Variants in IL12RB1 observed in about 807,000 individuals in gnomAD.
The protein encoded by IL12RB1 is interleukin 12 receptor subunit beta 1.
Under a neutral mutation model 94.4 loss-of-function variants are expected in IL12RB1, and 64 were observed. The ratio of observed to expected loss-of-function variants is 0.68; its 90% CI spans 0.55 to 0.83. IL12RB1 has a LOEUF of 0.83. IL12RB1 is among the 40% of genes least tolerant of loss of function. IL12RB1 has a pLI of 0.00. For missense variants in IL12RB1, 814 were observed against 855.6 expected, an observed-to-expected ratio of 0.95 and a Z score of 0.61; for synonymous variants, 362 against 355.5, an observed-to-expected ratio of 1.02 and a Z score of -0.21.
chr19:18,064,142 T>TC (rs1314042338), intron 12 of IL12RB1, 132 bp from the exon 13 acceptor site: 9 of 531,188 alleles, frequency 1.7e-5, no homozygotes, highest in African/African-American at 1.2e-4. Context: ...TTCTTTCTTT[T>TC]TTTTTTTTTT....
intron 16 of IL12RB1, 71 bp downstream of exon 16, chr19:18,059,823 T>C (rs1352144158): frequency 2.3e-6 from 2 of 882,070 alleles, no homozygotes; most frequent in Non-Finnish European, 3.7e-6. Context: ...CCAGGAGCGA[T>C]GGATGTCTAG....
intron 9 of IL12RB1, chr19:18,070,513 G>C (rs1055694382): frequency 1.0e-6 from 1 of 984,866 alleles, no homozygotes; most frequent in Admixed American, 6.1e-5. Context: ...ACTCCCTCCC[G>C]CCAGGGCGTC....
intron 3 of IL12RB1, 66 bp downstream of exon 3, chr19:18,082,084 C>T: frequency 1.0e-6 from 1 of 967,044 alleles, no homozygotes; most frequent in Non-Finnish European, 1.7e-6. Context: ...AGTAGGGGCA[C>T]CAGAGGGGGT....
chr19:18,093,416 T>G (rs1426535313), intron 1 of IL12RB1, among the ~76,000 whole-genome samples: 1 of 151,780 alleles, frequency 6.6e-6, no homozygotes, highest in Non-Finnish European at 1.5e-5. Flanking sequence ...ATTCATTCAG[T>G]CAGTCCAGTC....
chr19:18,096,301 C>T (rs1200182980), intron 1 of IL12RB1, among the ~76,000 whole-genome samples: 4 of 152,010 alleles, frequency 2.6e-5, no homozygotes, highest in African/African-American at 4.8e-5. Flanking sequence ...TTTTCTCAGC[C>T]TCAGTTTCCC....
At chr19:18,082,382 C>T (rs539868301) in intron 2 of IL12RB1, 118 bp from the exon 3 acceptor site, 38 of 704,704 alleles carry the variant, frequency 5.4e-5, no homozygotes, top group South Asian at 1.8e-4. Context: ...ACCCTCCCCG[C>T]GTCCTTCCTA....
intron 5 of IL12RB1, among the ~76,000 whole-genome samples, chr19:18,076,733 T>A (rs1375958547): frequency 6.6e-6 from 1 of 151,942 alleles, no homozygotes; most frequent in East Asian, 1.9e-4. Flanking sequence ...AGACCATACT[T>A]CCAGGGATTA....
At chr19:18,073,812 T>TTTTG (rs887160603) in intron 7 of IL12RB1, among the ~76,000 whole-genome samples, 3 of 152,140 alleles carry the variant, frequency 2.0e-5, no homozygotes, top group African/African-American at 4.8e-5. Context: ...GCCTAAGGTT[T>TTTTG]TTTGTTTGTT....
intron 13 of IL12RB1, among the ~76,000 whole-genome samples, chr19:18,063,272 A>G (rs571371352): frequency 2.4e-4 from 36 of 150,774 alleles, no homozygotes; most frequent in Non-Finnish European, 3.5e-4. Flanking sequence ...TTTTAAAAAT[A>G]TTTTTTGTAG....
At chr19:18,076,384 C>A in intron 5 of IL12RB1, 57 bp from the exon 6 acceptor site, 1 of 867,734 alleles carries the variant, frequency 1.2e-6, no homozygotes. Context: ...AAAATATTTG[C>A]TGTTTTACAA....
At position 18,059,536 on chromosome 19, in the gene IL12RB1, G is replaced by C; in HGVS notation, c.*72C>G. The stretch of plus-strand genomic sequence containing the variant: ...AGCCTGGAGGAGCTCTGGGTTATTT[G>C]GGTCCAAATGTGACTCCTGTGTGTG... On this transcript the variant is annotated 3_prime_UTR_variant, in exon 17 of 17. Coordinates refer to ENST00000593993, the MANE Select transcript of IL12RB1 (RefSeq NM_005535.3). The C allele has an allele frequency of 1.3e-6, 1 of 768,102 alleles. No individual in the cohort carries two copies. The highest frequency in any genetic ancestry group is 2.4e-6 in the Non-Finnish European group (1 of 411,672). The allele number at this position is 768,102 out of a possible 1,614,324, so 47.6% of individuals were successfully genotyped here. A position where few individuals can be genotyped will look rare whatever the true frequency, so the allele number is the denominator to read the frequency against.
In IL12RB1 at chr19:18,084,701, A is replaced by C. The variant is rs559336627; in HGVS notation, c.65-1210T>G. Among the ~76,000 whole-genome samples, 116 of 151,752 alleles carry C rather than the reference A, an allele frequency of 7.6e-4. 1 individual carries two copies. The highest frequency in any genetic ancestry group is 1.2e-3 in the Non-Finnish European group (81 of 67,854). ...TCCATCCATCCATCCATCCATCCATACATACATACATGTATTTATTAATTC... is the reference window on the plus strand; with the variant it reads ...TCCATCCATCCATCCATCCATCCATCCATACATACATGTATTTATTAATTC... On this transcript the variant is annotated intron_variant, in intron 1 of 16. Transcript: ENST00000593993.
At position 18,061,869 on chromosome 19, in the gene IL12RB1, G is replaced by GA. The variant is rs767444429; in HGVS notation, c.1715+311dup. ...CAGAGTAAGACTCCATCTCAAAAAAGAAAAAAAAAAGAAAGAAATTTTGCA... is the reference window on the plus strand; with the variant it reads ...CAGAGTAAGACTCCATCTCAAAAAAGAAAAAAAAAAAGAAAGAAATTTTGCA... On this transcript the variant is annotated intron_variant, in intron 14 of 16. Coordinates refer to ENST00000593993, the MANE Select transcript of IL12RB1 (RefSeq NM_005535.3). Among the ~76,000 whole-genome samples the GA allele has an allele frequency of 3.2e-4, 46 of 142,788 alleles. 1 individual carries two copies. The highest frequency in any genetic ancestry group is 5.8e-4 in the African/African-American group (22 of 38,044). 93.7% of individuals were successfully genotyped at this position (142,788 alleles called of 152,430 possible).
At chr19:18,082,298 A>G (rs763611338) in intron 2 of IL12RB1, 34 bp from the exon 3 acceptor site, 4 of 1,285,974 alleles carry the variant, frequency 3.1e-6, no homozygotes, top group Non-Finnish European at 4.5e-6. Flanking sequence ...GGAACAGACC[A>G]GAGTCTGGAG....
intron 4 of IL12RB1, among the ~76,000 whole-genome samples, chr19:18,080,379 C>A (rs1401702205): frequency 6.6e-6 from 1 of 152,272 alleles, no homozygotes; most frequent in Non-Finnish European, 1.5e-5. Context: ...GCTGGGACTA[C>A]AGGCGCGCGT....
chr19:18,077,004 C>T (rs374167859), intron 5 of IL12RB1, among the ~76,000 whole-genome samples: 22 of 152,084 alleles, frequency 1.4e-4, no homozygotes, highest in African/African-American at 5.1e-4. Flanking sequence ...GTTCTCTGCA[C>T]CAGTTTATAT....
intron 1 of IL12RB1, among the ~76,000 whole-genome samples, chr19:18,097,295 A>T (rs1255624144): frequency 6.6e-6 from 1 of 152,004 alleles, no homozygotes; most frequent in African/African-American, 2.4e-5. Flanking sequence ...CTCCTGCCTC[A>T]GTCTTCTGAG....
chr19:18,072,456 G>A (rs1029869142), intron 8 of IL12RB1, 107 bp from the exon 9 acceptor site: 2 of 766,606 alleles, frequency 2.6e-6, no homozygotes, highest in Admixed American at 1.9e-5. Context: ...AAAGGCCACA[G>A]CCAATAACAT....
At chr19:18,082,971 T>C (rs2036020235) in intron 2 of IL12RB1, 1 of 255,836 alleles carries the variant, frequency 3.9e-6, no homozygotes, top group Admixed American at 5.0e-5. Flanking sequence ...TAATCCCAGC[T>C]ACTTGGAAGG....
Sources: gnomAD v4.1 joint callset for allele counts (sites outside exome capture counted in the v4.1 genomes callset) on GRCh38, gnomAD v4.1.1 for gene constraint, MANE v1.5 for transcripts, NCBI Gene and HGNC (gene_info 2026-07-23, HGNC 2026-07-21) for gene names.